Variants in THADA observed in about 807,000 individuals in gnomAD.
THADA encodes the protein THADA armadillo repeat containing.
Under a neutral mutation model 219.8 loss-of-function variants are expected in THADA, and 213 were observed. The ratio of observed to expected loss-of-function variants is 0.97; its 90% CI spans 0.87 to 1.09. The LOEUF is 1.09. Ranked by LOEUF, THADA falls within the 50% of genes least tolerant of loss-of-function variation. The pLI is 0.00. For missense variants in THADA, 2,956 were observed against 2,311.3 expected, an observed-to-expected ratio of 1.28 and a Z score of -5.72; for synonymous variants, 1,018 against 828.9, an observed-to-expected ratio of 1.23 and a Z score of -3.92.
chr2:43,289,641 T>G (rs1373766783), intron 34 of THADA, among the ~76,000 whole-genome samples: 1 of 152,160 alleles, frequency 6.6e-6, no homozygotes, highest in Non-Finnish European at 1.5e-5. Context: ...CTTGGTGTTT[T>G]TTTGTTTGTT....
intron 35 of THADA, among the ~76,000 whole-genome samples, chr2:43,284,595 G>C (rs565727592): frequency 2.6e-5 from 4 of 152,314 alleles, no homozygotes; most frequent in African/African-American, 9.6e-5. Context: ...CCCTCATGGA[G>C]AACCTCTATT....
chr2:43,415,355 G>T lies in THADA; in HGVS notation c.4058+12745C>A, dbSNP rs552661740. On this transcript the variant is annotated intron_variant, in intron 28 of 37. Coordinates refer to ENST00000405975, the MANE Select transcript of THADA (RefSeq NM_022065.5). ...TTCAATTACCCTAGGGGTAAAGCTG[G>T]TCTGGGTCAGTGACTACAGTGGAGT... Among the ~76,000 whole-genome samples the T allele has an allele frequency of 2.6e-5, 4 of 152,258 alleles. No homozygotes were observed. In the South Asian group the frequency reaches 8.3e-4, roughly 32 times the overall value.
chr2:43,298,684 T>C (rs573933403), intron 31 of THADA, among the ~76,000 whole-genome samples: 2 of 152,254 alleles, frequency 1.3e-5, no homozygotes, highest in Admixed American at 6.5e-5. Context: ...AGTGTAAGTA[T>C]AGTCTGCTGG....
At chr2:43,532,075 C>A (rs1693946460) in intron 21 of THADA, among the ~76,000 whole-genome samples, 1 of 151,438 alleles carries the variant, frequency 6.6e-6, no homozygotes, top group Non-Finnish European at 1.5e-5. Flanking sequence ...TCTGGAGCCC[C>A]TATCCAGCAC....
intron 16 of THADA, among the ~76,000 whole-genome samples, chr2:43,556,911 A>T (rs1697426984): frequency 6.6e-6 from 1 of 151,976 alleles, no homozygotes. Context: ...ACTCTACAAA[A>T]ACTCTACGAA....
At chr2:43,242,484 A>G (rs1668724099) in intron 36 of THADA, among the ~76,000 whole-genome samples, 1 of 152,046 alleles carries the variant, frequency 6.6e-6, no homozygotes, top group Admixed American at 6.6e-5. Context: ...CAGCACCTAT[A>G]TTCTTTTTTC....
intron 29 of THADA, among the ~76,000 whole-genome samples, chr2:43,369,566 T>C (rs796553716): frequency 1.8e-4 from 28 of 152,322 alleles, no homozygotes; most frequent in African/African-American, 6.3e-4. Context: ...ACCAGTATTT[T>C]TCAAGTTTGT....
intron 37 of THADA, 121 bp downstream of exon 37, chr2:43,232,592 C>T: frequency 9.0e-7 from 1 of 1,113,312 alleles, no homozygotes; most frequent in Non-Finnish European, 1.3e-6. Context: ...GGGTGACTTT[C>T]CTAGTGGTTC....
chr2:43,581,713 T>C (rs1249256046), intron 8 of THADA, 28 bp downstream of exon 8: 9 of 1,564,528 alleles, frequency 5.8e-6, no homozygotes, highest in South Asian at 1.2e-5. Flanking sequence ...CAATTATATA[T>C]CATTTGTATA....
At chr2:43,312,877 A>G (rs958235633) in intron 31 of THADA, among the ~76,000 whole-genome samples, 2 of 152,202 alleles carry the variant, frequency 1.3e-5, no homozygotes, top group African/African-American at 4.8e-5. Context: ...ACACATCTGC[A>G]TCCAACACTG....
At position 43,568,903 on chromosome 2, in the gene THADA, A is replaced by T. The variant is rs537241213; in HGVS notation, c.2187+1485T>A. 7.7e-4 allele frequency among the ~76,000 whole-genome samples: 117 copies of T among 152,182 alleles called. 1 individual carries two copies. In the South Asian group the frequency reaches 9.6e-3, roughly 12 times the overall value. ...ACAAAGAATTAATTAATTAAAAAAA[A>T]TTTTTTTAACTATCCTACACACACA... On this transcript the variant is annotated intron_variant, in intron 14 of 37. Coordinates refer to ENST00000405975, the MANE Select transcript of THADA (RefSeq NM_022065.5).
At chr2:43,277,238 G>C in intron 36 of THADA, 1 of 152,624 alleles carries the variant, frequency 6.6e-6, no homozygotes, top group Non-Finnish European at 1.5e-5. Flanking sequence ...TGCAGAAGGA[G>C]ATCGGGCCTT....
At chr2:43,484,766 A>G (rs1686671850) in intron 26 of THADA, among the ~76,000 whole-genome samples, 1 of 152,096 alleles carries the variant, frequency 6.6e-6, no homozygotes, top group African/African-American at 2.4e-5. Flanking sequence ...GTTAACACAT[A>G]TAGGTGCTCC....
intron 25 of THADA, among the ~76,000 whole-genome samples, chr2:43,487,564 T>C (rs1490636028): frequency 6.6e-6 from 1 of 152,232 alleles, no homozygotes; most frequent in Non-Finnish European, 1.5e-5. Flanking sequence ...TGATCCATCC[T>C]GATATGGTCT....
At position 43,485,331 on chromosome 2, in the gene THADA, G is replaced by A. The variant is rs545003718; in HGVS notation, c.3745-6C>T. ...AGTGTGGATGAATTTCGCACCTAAT[G>A]TACAAACGAAAACACAATAAGGCTT... On this transcript the variant is annotated splice_region_variant and splice_polypyrimidine_tract_variant and intron_variant, in intron 25 of 37. Transcript: ENST00000405975. The A allele has an allele frequency of 1.9e-6, 3 of 1,603,540 alleles. No homozygotes were observed. Among genetic ancestry groups the A allele is most frequent in the East Asian group, 4.5e-5 (2 of 44,694 alleles).
intron 36 of THADA, among the ~76,000 whole-genome samples, chr2:43,254,442 T>C (rs1558473007): frequency 6.6e-6 from 1 of 151,968 alleles, no homozygotes; most frequent in Non-Finnish European, 1.5e-5. Context: ...TATGCTGAAG[T>C]GGGCTGCATT....
chr2:43,504,416 A>G (rs1241005181), intron 24 of THADA, among the ~76,000 whole-genome samples: 1 of 152,134 alleles, frequency 6.6e-6, no homozygotes, highest in Non-Finnish European at 1.5e-5. Flanking sequence ...ATATCCAATA[A>G]ACATAAAATC....
chr2:43,300,172 T>C lies in THADA; in HGVS notation c.4439-6959A>G, dbSNP rs528333059. On this transcript the variant is annotated intron_variant, in intron 31 of 37. Transcript: ENST00000405975. ...ATTTATTTTTTTGAGACAGAGTCTC[T>C]GTCACCCAGGCTGAGTGCAGTGGCA... Among the ~76,000 whole-genome samples the C allele has an allele frequency of 7.2e-5, 11 of 152,166 alleles. No individual in the cohort carries two copies. The South Asian group carries it at 1.7e-3, about 23-fold the overall frequency.
intron 30 of THADA, among the ~76,000 whole-genome samples, chr2:43,322,744 G>A (rs932817249): frequency 1.7e-5 from 2 of 120,258 alleles, no homozygotes; most frequent in African/African-American, 6.4e-5. Flanking sequence ...GGAGTGCAGT[G>A]GTGCGATCTT....
Sources: allele counts gnomAD v4.1 joint callset (sites outside exome capture counted in the v4.1 genomes callset), GRCh38; gene constraint gnomAD v4.1.1; transcripts MANE v1.5; gene names NCBI Gene and HGNC (gene_info 2026-07-23, HGNC 2026-07-21).